RSRC1: variants seen among roughly 807,000 people sequenced by gnomAD.
RSRC1 encodes the protein arginine and serine rich coiled-coil 1, also known as serine/Arginine-related protein 53.
Under a neutral mutation model 49.1 loss-of-function variants are expected in RSRC1, and 39 were observed. The ratio of observed to expected loss-of-function variants is 0.79; its 90% CI spans 0.61 to 1.04. The LOEUF (loss-of-function observed/expected upper bound fraction) is 1.04, where lower values mean the gene tolerates loss of function less well. RSRC1 is among the 50% of genes least tolerant of loss of function. The probability of loss-of-function intolerance (pLI) is 0.00; values close to 1 mark genes in which losing one functional copy is unlikely to be tolerated. For synonymous variants in RSRC1, 143 were observed against 130.8 expected (o/e 1.09, Z -0.63); for missense variants, 388 against 402.4 (o/e 0.96, Z 0.31).
At chr3:158,290,496 C>T (rs923737599) in intron 4 of RSRC1, among the ~76,000 whole-genome samples, 2 of 152,000 alleles carry the variant, frequency 1.3e-5, no homozygotes, top group Non-Finnish European at 2.9e-5. Flanking sequence ...AGGATGGTCT[C>T]GATTTCCTGA....
chr3:158,254,676 C>T (rs1411199982), intron 4 of RSRC1, among the ~76,000 whole-genome samples: 1 of 152,074 alleles, frequency 6.6e-6, no homozygotes, highest in Non-Finnish European at 1.5e-5. Flanking sequence ...TCATGATCCA[C>T]CCACCTCGGC....
At chr3:158,329,854 G>A (rs1246812228) in intron 5 of RSRC1, among the ~76,000 whole-genome samples, 1 of 152,198 alleles carries the variant, frequency 6.6e-6, no homozygotes, top group Non-Finnish European at 1.5e-5. Flanking sequence ...GAGGCAGGCA[G>A]GCCTCCTTGA....
At chr3:158,518,872 G>GT (rs1480190839) in intron 7 of RSRC1, among the ~76,000 whole-genome samples, 1 of 151,990 alleles carries the variant, frequency 6.6e-6, no homozygotes, top group Non-Finnish European at 1.5e-5. Context: ...ATTTCCAAGT[G>GT]TTGTTTACAG....
intron 5 of RSRC1, among the ~76,000 whole-genome samples, chr3:158,301,029 T>C (rs1200913236): frequency 6.6e-6 from 1 of 152,144 alleles, no homozygotes; most frequent in African/African-American, 2.4e-5. Context: ...CTGATTTCCT[T>C]TACTTAAGTT....
intron 6 of RSRC1, among the ~76,000 whole-genome samples, chr3:158,406,571 A>AT (rs1021273371): frequency 3.3e-5 from 5 of 152,080 alleles, no homozygotes; most frequent in African/African-American, 9.7e-5. Context: ...TAGGCTTTTA[A>AT]TTTTTTGTTT....
intron 3 of RSRC1, among the ~76,000 whole-genome samples, chr3:158,156,668 T>C (rs775294278): frequency 2.0e-5 from 3 of 152,196 alleles, no homozygotes; most frequent in Non-Finnish European, 2.9e-5. Context: ...TTCAATATCG[T>C]TGTATTCCAG....
At chr3:158,171,986 A>G (rs4679822) in intron 3 of RSRC1, among the ~76,000 whole-genome samples, 64,788 of 151,764 alleles carry the variant, frequency 0.43, 14,146 homozygotes, top group East Asian at 0.64. Context: ...AACAAAAACC[A>G]TACATAAATG....
At chr3:158,500,984 T>C (rs1739568033) in intron 7 of RSRC1, among the ~76,000 whole-genome samples, 1 of 152,100 alleles carries the variant, frequency 6.6e-6, no homozygotes, top group Non-Finnish European at 1.5e-5. Context: ...GTCTTTTTGA[T>C]GTAGGTGTTT....
At chr3:158,426,168 G>A (rs1039036606) in intron 6 of RSRC1, among the ~76,000 whole-genome samples, 6 of 151,626 alleles carry the variant, frequency 4.0e-5, no homozygotes, top group Non-Finnish European at 8.9e-5. Flanking sequence ...TCTAGGGATA[G>A]GGAAGGATTT....
intron 7 of RSRC1, among the ~76,000 whole-genome samples, chr3:158,507,656 T>C (rs1739920267): frequency 6.6e-6 from 1 of 152,204 alleles, no homozygotes; most frequent in Non-Finnish European, 1.5e-5. Flanking sequence ...AATGTGACAA[T>C]TCTTGTTTTA....
At chr3:158,484,143 G>A (rs1738726875) in intron 7 of RSRC1, among the ~76,000 whole-genome samples, 1 of 152,112 alleles carries the variant, frequency 6.6e-6, no homozygotes, top group South Asian at 2.1e-4. Flanking sequence ...TTTAGTACAA[G>A]AGAGCTATGT....
chr3:158,182,239 C>T (rs568158742), intron 3 of RSRC1, among the ~76,000 whole-genome samples: 17 of 152,234 alleles, frequency 1.1e-4, no homozygotes, highest in South Asian at 4.1e-4. Context: ...AAAGGCCAAA[C>T]GTCAGGAAGA....
At chr3:158,176,746 C>G (rs1437550793) in intron 3 of RSRC1, among the ~76,000 whole-genome samples, 1 of 152,162 alleles carries the variant, frequency 6.6e-6, no homozygotes, top group Non-Finnish European at 1.5e-5. Context: ...GCAAAGACTT[C>G]ATGACTAAAA....
Position 158,314,313 on chromosome 3 carries a change from G to A in RSRC1, c.531+16238G>A, listed in dbSNP as rs560012517. 1.2e-3 allele frequency among the ~76,000 whole-genome samples: 175 copies of A among 151,956 alleles called. 1 individual carries two copies. Among genetic ancestry groups the A allele is most frequent in the African/African-American group, 4.1e-3 (170 of 41,422 alleles). On this transcript the variant is annotated intron_variant, in intron 5 of 9. Transcript: ENST00000611884. ...TCGCCATGTTGGCCAGGCTGGTCTC[G>A]AACTCCTGACCTCAGGTGATCCACC...
chr3:158,162,418 T>C (rs956797207), intron 3 of RSRC1, among the ~76,000 whole-genome samples: 3 of 152,194 alleles, frequency 2.0e-5, no homozygotes, highest in Admixed American at 2.0e-4. Context: ...TCCTTTTTTT[T>C]GGTCATTAGT....
intron 6 of RSRC1, among the ~76,000 whole-genome samples, chr3:158,427,997 C>A (rs1267044431): frequency 2.0e-5 from 3 of 151,620 alleles, no homozygotes; most frequent in Non-Finnish European, 4.4e-5. Context: ...ATTTTTGGTT[C>A]TTGAGATATA....
At chr3:158,180,848 G>C (rs1458775097) in intron 3 of RSRC1, among the ~76,000 whole-genome samples, 1 of 127,882 alleles carries the variant, frequency 7.8e-6, no homozygotes, top group East Asian at 2.5e-4. Flanking sequence ...GCTGTCACCC[G>C]GGCTGGAGTG....
chr3:158,334,390 GTAAC>G (rs1348407559), intron 5 of RSRC1, among the ~76,000 whole-genome samples: 1 of 152,038 alleles, frequency 6.6e-6, no homozygotes, highest in African/African-American at 2.4e-5. Flanking sequence ...AATGTCATAA[GTAAC>G]TGATACATAT....
chr3:158,535,066 G>A (rs1712643794), intron 7 of RSRC1, among the ~76,000 whole-genome samples: 1 of 151,232 alleles, frequency 6.6e-6, no homozygotes, highest in Non-Finnish European at 1.5e-5. Context: ...TAATCACAAA[G>A]TAAGACCTAA....
Sources: allele counts gnomAD v4.1 joint callset (sites outside exome capture counted in the v4.1 genomes callset), GRCh38; gene constraint gnomAD v4.1.1; transcripts MANE v1.5; gene names NCBI Gene and HGNC (gene_info 2026-07-23, HGNC 2026-07-21).